The following GLI2 variants were observed in gnomAD, a reference collection of about 807,000 sequenced individuals.
GLI2 encodes GLI family zinc finger 2.
A neutral mutation model predicts 78.9 loss-of-function variants in GLI2; 22 were observed. The ratio of observed to expected loss-of-function variants is 0.28; its 90% confidence interval spans 0.20 to 0.40. The LOEUF is 0.40. Among genes scored for constraint, GLI2 ranks in the 10% least tolerant of loss-of-function variants. The pLI is 1.00. For missense variants in GLI2, 2,097 were observed against 2,213.2 expected (o/e 0.95, Z 1.05); for synonymous variants, 974 against 963.7 (o/e 1.01, Z -0.20).
chr2:120,804,041 A>G lies in GLI2; in HGVS notation c.148+6573A>G, dbSNP rs1374811828. ...ACCTACTCATACTGACAGCCCTCCT[A>G]TCTTCTTCATTGGCCCTGCTGGGTT... On this transcript the variant is annotated intron_variant, in intron 2 of 13. Coordinates refer to ENST00000361492, the MANE Select transcript of GLI2 (RefSeq NM_001374353.1). Among the ~76,000 whole-genome samples, 4 of 152,128 alleles carry G rather than the reference A, an allele frequency of 2.6e-5. No homozygotes were observed. In the East Asian group the frequency reaches 5.8e-4, roughly 22 times the overall value.
chr2:120,878,927 T>TAA (rs545715991), intron 2 of GLI2, among the ~76,000 whole-genome samples: 1 of 142,212 alleles, frequency 7.0e-6, no homozygotes, highest in Non-Finnish European at 1.5e-5. Flanking sequence ...GACTCCATCT[T>TAA]AAAAAAAAAA....
intron 1 of GLI2, among the ~76,000 whole-genome samples, chr2:120,764,521 G>A (rs1277236482): frequency 1.3e-5 from 2 of 152,170 alleles, no homozygotes; most frequent in Non-Finnish European, 2.9e-5. Context: ...GTGAGTGTCC[G>A]GGTCACAGCT....
chr2:120,878,542 AAAG>A (rs1473845133), intron 2 of GLI2, among the ~76,000 whole-genome samples: 4 of 152,246 alleles, frequency 2.6e-5, no homozygotes, highest in African/African-American at 9.6e-5. Flanking sequence ...AAAAGGAAAA[AAAG>A]GATACAGAAT....
At chr2:120,950,013 G>A (rs987328805) in intron 3 of GLI2, among the ~76,000 whole-genome samples, 7 of 152,210 alleles carry the variant, frequency 4.6e-5, no homozygotes, top group Non-Finnish European at 1.0e-4. Flanking sequence ...AGGGCCTCCC[G>A]GGCAATGCTA....
chr2:120,946,139 A>G (rs2104934074), intron 3 of GLI2, among the ~76,000 whole-genome samples: 1 of 152,252 alleles, frequency 6.6e-6, no homozygotes, highest in Middle Eastern at 3.4e-3. Flanking sequence ...GAGTTAGAGA[A>G]TCACTCCTCT....
intron 1 of GLI2, among the ~76,000 whole-genome samples, chr2:120,736,710 C>T (rs965630674): frequency 3.3e-5 from 5 of 151,988 alleles, no homozygotes; most frequent in African/African-American, 1.2e-4. Context: ...TGTCTGCGGG[C>T]GTACTGAGCG....
rs1276153808 is a variant in GLI2, at chr2:120,834,914, C to CAGGT, written c.148+37446_148+37447insAGGT. 2.5e-4 allele frequency among the ~76,000 whole-genome samples: 38 copies of CAGGT among 152,194 alleles called. 1 individual carries two copies. The East Asian group carries it at 5.8e-3, about 23-fold the overall frequency. Reference sequence around the variant, plus strand: ...ATGTGGCATTTCAGGGGCTCTGCACCCCATGTTCTCTGGGCTAAACCCACA... The same window carrying CAGGT: ...ATGTGGCATTTCAGGGGCTCTGCACCAGGTCCATGTTCTCTGGGCTAAACCCACA... On this transcript the variant is annotated intron_variant, in intron 2 of 13. Transcript: ENST00000361492.
intron 2 of GLI2, among the ~76,000 whole-genome samples, chr2:120,862,381 T>C (rs1687941272): frequency 6.6e-6 from 1 of 152,186 alleles, no homozygotes; most frequent in East Asian, 1.9e-4. Flanking sequence ...TTGCACGAGG[T>C]ACTGGGGACA....
intron 5 of GLI2, among the ~76,000 whole-genome samples, chr2:120,956,953 A>G (rs1419815221): frequency 1.3e-5 from 2 of 151,998 alleles, no homozygotes; most frequent in Non-Finnish European, 2.9e-5. Flanking sequence ...GTCTCTCTGG[A>G]AGCCTCCTCC....
chr2:120,949,223 G>A (rs559375098), intron 3 of GLI2, among the ~76,000 whole-genome samples: 5 of 152,336 alleles, frequency 3.3e-5, no homozygotes, highest in Non-Finnish European at 7.3e-5. Flanking sequence ...TATCTGTTAA[G>A]CCCTCCGCAT....
chr2:120,924,443 A>G (rs1027235463), intron 2 of GLI2, among the ~76,000 whole-genome samples: 2 of 151,944 alleles, frequency 1.3e-5, no homozygotes, highest in Non-Finnish European at 2.9e-5. Flanking sequence ...GGGCAAGGCC[A>G]TGAATCATTC....
At chr2:120,798,958 C>A (rs1011626386) in intron 2 of GLI2, among the ~76,000 whole-genome samples, 1 of 152,206 alleles carries the variant, frequency 6.6e-6, no homozygotes, top group African/African-American at 2.4e-5. Flanking sequence ...CGGGAACCAT[C>A]CCCCCATCCC....
chr2:120,907,776 C>T (rs1280367383), intron 2 of GLI2, among the ~76,000 whole-genome samples: 3 of 152,226 alleles, frequency 2.0e-5, no homozygotes, highest in African/African-American at 7.2e-5. Context: ...AACACACACA[C>T]ACACAGAGTT....
chr2:120,847,098 C>T lies in GLI2; in HGVS notation c.148+49630C>T, dbSNP rs975161692. 7.9e-5 allele frequency among the ~76,000 whole-genome samples: 12 copies of T among 151,634 alleles called. No individual in the cohort carries two copies. The East Asian group carries it at 1.6e-3, about 20-fold the overall frequency. ...GGCTCTGCGTCTGAAACAAGAGGTGCGAGGAGGGCAACCAATCATCCGGGT... is the reference window on the plus strand; with the variant it reads ...GGCTCTGCGTCTGAAACAAGAGGTGTGAGGAGGGCAACCAATCATCCGGGT... On this transcript the variant is annotated intron_variant, in intron 2 of 13. Coordinates refer to ENST00000361492, the MANE Select transcript of GLI2 (RefSeq NM_001374353.1).
At chr2:120,972,547 G>C (rs1007981500) in intron 8 of GLI2, 3 of 475,776 alleles carry the variant, frequency 6.3e-6, no homozygotes, top group African/African-American at 5.9e-5. Context: ...ACCCAGCCTA[G>C]CTCAGGGGTC....
chr2:120,744,113 G>T (rs896133583), intron 1 of GLI2, among the ~76,000 whole-genome samples: 1 of 152,222 alleles, frequency 6.6e-6, no homozygotes, highest in Non-Finnish European at 1.5e-5. Context: ...ATCAGTGAAG[G>T]AAGGGCTGAC....
chr2:120,739,176 A>G (rs1682454603), intron 1 of GLI2, among the ~76,000 whole-genome samples: 1 of 152,188 alleles, frequency 6.6e-6, no homozygotes, highest in South Asian at 2.1e-4. Context: ...CCCTGTACAC[A>G]GTGCAGCCCC....
intron 2 of GLI2, among the ~76,000 whole-genome samples, chr2:120,883,223 C>T (rs1432580948): frequency 6.6e-6 from 1 of 152,216 alleles, no homozygotes; most frequent in African/African-American, 2.4e-5. Context: ...TGGTGGCTCA[C>T]ACCTGTAATC....
intron 3 of GLI2, among the ~76,000 whole-genome samples, chr2:120,941,951 C>A (rs1428839825): frequency 6.6e-6 from 1 of 152,172 alleles, no homozygotes; most frequent in African/African-American, 2.4e-5. Flanking sequence ...GGGATGGGAA[C>A]GCAGGACTCA....
Sources: gnomAD v4.1 joint callset for allele counts (sites outside exome capture counted in the v4.1 genomes callset) on GRCh38, gnomAD v4.1.1 for gene constraint, MANE v1.5 for transcripts, NCBI Gene and HGNC (gene_info 2026-07-23, HGNC 2026-07-21) for gene names.